The following ZNF208 variants were observed in gnomAD, a reference collection of about 807,000 sequenced individuals.
The protein encoded by ZNF208 is zinc finger protein 95.
Under a neutral mutation model 12.1 loss-of-function variants are expected in ZNF208, and 10 were observed. The ratio of observed to expected loss-of-function variants is 0.83; its 90% CI spans 0.51 to 1.40. ZNF208 has a LOEUF of 1.40. Among genes scored for constraint, ZNF208 ranks in the 40% most tolerant of loss-of-function variants. The pLI is 0.00. For synonymous variants in ZNF208, 497 were observed against 488.4 expected (o/e 1.02, Z -0.23); for missense variants, 1,652 against 1,485.0 (o/e 1.11, Z -1.85).
At chr19:22,003,411 A>T (rs1254518875) in intron 1 of ZNF208, among the ~76,000 whole-genome samples, 1 of 152,100 alleles carries the variant, frequency 6.6e-6, no homozygotes, top group African/African-American at 2.4e-5. Context: ...AATAATAGAA[A>T]ATATTTGCAA....
At chr19:21,962,589 T>TA, downstream of ZNF208, among the ~76,000 whole-genome samples, 1 of 152,162 alleles carries the variant, frequency 6.6e-6, no homozygotes, top group East Asian at 1.9e-4. Flanking sequence ...GCTAATTGAT[T>TA]AAAAAAGAGA....
intron 3 of ZNF208, among the ~76,000 whole-genome samples, chr19:21,980,920 A>G (rs1310442135): frequency 2.0e-5 from 3 of 152,216 alleles, no homozygotes; most frequent in African/African-American, 7.2e-5. Flanking sequence ...ACCATCAGAC[A>G]ATACTATAAA....
rs1252038419 is a variant in ZNF208, at chr19:21,969,942, C to T, written c.*1249G>A. Among the ~76,000 whole-genome samples, 1 of 152,072 alleles carries T rather than the reference C, an allele frequency of 6.6e-6. No individual in the cohort carries two copies. Among genetic ancestry groups the T allele is most frequent in the Admixed American group, 6.6e-5 (1 of 15,244 alleles). On this transcript the variant is annotated 3_prime_UTR_variant, in exon 4 of 4. Transcript: ENST00000397126. Reference sequence around the variant, plus strand: ...TTTTCCAGACAGTCTCTCTCTGTTGCCCAGGCTAGTGTAAATGCTTTCCTT... The same window carrying T: ...TTTTCCAGACAGTCTCTCTCTGTTGTCCAGGCTAGTGTAAATGCTTTCCTT...
At chr19:21,961,337 A>C (rs566712776), downstream of ZNF208, among the ~76,000 whole-genome samples, 2 of 152,284 alleles carry the variant, frequency 1.3e-5, no homozygotes, top group South Asian at 4.1e-4. Context: ...CATCACAAAG[A>C]TCACATGCTT....
Position 21,971,238 on chromosome 19 carries a change from A to G in ZNF208, c.3796T>C (p.Ser1266Pro). Reference sequence around the variant, plus strand: ...ATTTTCTTATGTTTACTGAAGACTGATAACCAGCTGAAGGCTTTGCCACAT... The same window carrying G: ...ATTTTCTTATGTTTACTGAAGACTGGTAACCAGCTGAAGGCTTTGCCACAT... ...EECGKAFSWLSVFSKHKKIHT... is the reference protein window; with the variant it reads ...EECGKAFSWLPVFSKHKKIHT... Residue 1266 changes from serine to proline, a missense_variant, in exon 4 of 4, where the codon TCA (serine) becomes CCA (proline). Ser to Pro is a moderately conservative substitution (Grantham distance 74). Coordinates refer to ENST00000397126, the MANE Select transcript of ZNF208 (RefSeq NM_007153.3). The G allele has an allele frequency of 6.2e-7, 1 of 1,612,382 alleles. No homozygotes were observed. Among genetic ancestry groups the G allele is most frequent in the Non-Finnish European group, 8.5e-7 (1 of 1,179,858 alleles).
At chr19:21,994,978 G>A (rs1970806396) in intron 1 of ZNF208, among the ~76,000 whole-genome samples, 1 of 143,582 alleles carries the variant, frequency 7.0e-6, no homozygotes, top group South Asian at 2.2e-4. Flanking sequence ...TTGAGACTGA[G>A]TCTCACTTTG....
At position 21,974,687 on chromosome 19, in the gene ZNF208, C is replaced by A. The variant is rs1568446283; in HGVS notation, c.347G>T (p.Gly116Val). 5.6e-6 allele frequency: 9 copies of A among 1,613,562 alleles called. No individual in the cohort carries two copies. The highest frequency in any genetic ancestry group is 7.6e-6 in the Non-Finnish European group (9 of 1,179,714). The change falls in exon 4 of 4, where the codon GGT (glycine) becomes GTT (valine). Residue 116 changes from glycine (G) to valine (V), a missense_variant. Physicochemically the swap from Gly to Val is moderately radical, Grantham distance 109 (BLOSUM62 -3). Around this residue, in one of 3 missense-constraint regions of ZNF208, gnomAD observed 410 missense variants for 378.2 expected, o/e 1.08. Transcript: ENST00000397126. Reference protein sequence around the residue: ...CGHENLHLKIGYTNVDECKVH... With the variant: ...CGHENLHLKIVYTNVDECKVH... ...CTTACACTCATCCACATTGGTATAA[C>A]CAATTTTTAAGTGTAAATTCTCATG...
Position 21,974,283 on chromosome 19 carries a change from G to C in ZNF208, c.751C>G (p.His251Asp). ...FSILTKHKVI[H>D]TGEKSYKCEE... Reference sequence around the variant, plus strand: ...CATTTGTAGGATTTCTCTCCAGTATGAATTACCTTATGTTTAGTAAGGATT... The same window carrying C: ...CATTTGTAGGATTTCTCTCCAGTATCAATTACCTTATGTTTAGTAAGGATT... The change falls in exon 4 of 4, where the codon CAT becomes GAT. Residue 251 changes from histidine to aspartate, a missense_variant. This residue lies in a region of ZNF208 where 410 missense variants were observed against 378.2 expected (regional missense o/e 1.08). Coordinates refer to ENST00000397126, the MANE Select transcript of ZNF208 (RefSeq NM_007153.3). 6.2e-7 allele frequency: 1 copy of C among 1,613,314 alleles called. No individual in the cohort carries two copies. Among genetic ancestry groups the C allele is most frequent in the Non-Finnish European group, 8.5e-7 (1 of 1,179,708 alleles).
rs772581982 is a variant in ZNF208 at position 21,973,551 on chromosome 19, T to C, written c.1483A>G (p.Lys495Glu). ...CCACATTCTTCACATTTGTAGGGTT[T>C]CTCTCCAGCATGAGTTGCCTTATCA... The part of the protein sequence containing the change: ...ECDKATHAGE[K>E]PYKCEECGKA... The change falls in exon 4 of 4, where the codon AAA (lysine) becomes GAA (glutamate). Residue 495 changes from lysine to glutamate, a missense_variant. Around this residue, in one of 3 missense-constraint regions of ZNF208, gnomAD observed 1,239 missense variants for 1,086.2 expected, o/e 1.14. Coordinates refer to ENST00000397126, the MANE Select transcript of ZNF208 (RefSeq NM_007153.3). 18 of 1,613,458 alleles carry C rather than the reference T, an allele frequency of 1.1e-5. No homozygotes were observed. In the East Asian group the frequency reaches 2.0e-4, roughly 18 times the overall value.
At chr19:21,985,195 C>T (rs1599623296) in intron 3 of ZNF208, among the ~76,000 whole-genome samples, 2 of 152,194 alleles carry the variant, frequency 1.3e-5, no homozygotes, top group East Asian at 1.9e-4. Context: ...AGCATTTAAA[C>T]TCTTAGAAAC....
intron 4 of ZNF208, among the ~76,000 whole-genome samples, chr19:21,948,296 G>A (rs556326499): frequency 9.2e-5 from 14 of 152,344 alleles, no homozygotes; most frequent in African/African-American, 2.9e-4. Flanking sequence ...TCTAAGGGAA[G>A]TATTAATTTC....
chr19:22,008,981 G>A (rs1465936921), intron 1 of ZNF208, among the ~76,000 whole-genome samples: 1 of 152,126 alleles, frequency 6.6e-6, no homozygotes, highest in African/African-American at 2.4e-5. Flanking sequence ...TTTTTCCCCA[G>A]ATAGTACTGA....
chr19:22,000,543 G>A (rs1160386528), intron 1 of ZNF208, among the ~76,000 whole-genome samples: 1 of 152,124 alleles, frequency 6.6e-6, no homozygotes, highest in African/African-American at 2.4e-5. Context: ...CAGAATCCCT[G>A]CAATACATCT....
intron 3 of ZNF208, among the ~76,000 whole-genome samples, chr19:21,984,533 T>G (rs369168877): frequency 1.3e-5 from 2 of 152,062 alleles, no homozygotes; most frequent in Non-Finnish European, 2.9e-5. Context: ...AGCCTGGTGA[T>G]AGAGTAAGAC....
At chr19:21,989,755 C>A (rs373553310) in intron 1 of ZNF208, among the ~76,000 whole-genome samples, 4 of 152,124 alleles carry the variant, frequency 2.6e-5, no homozygotes, top group Non-Finnish European at 4.4e-5. Context: ...TTGTTTCCTG[C>A]CTTTTTAATG....
chr19:21,971,326 C>T lies in ZNF208; in HGVS notation c.3708G>A (p.Thr1236=), dbSNP rs368192167. 81 of 1,611,134 alleles carry T rather than the reference C, an allele frequency of 5.0e-5. No individual in the cohort carries two copies. Among genetic ancestry groups the T allele is most frequent in the African/African-American group, 1.9e-4 (14 of 74,682 alleles). Residue 1236 remains threonine, a synonymous_variant, in exon 4 of 4, where the codon ACG becomes ACA. Coordinates refer to ENST00000397126, the MANE Select transcript of ZNF208 (RefSeq NM_007153.3). ...KCEECGKAFS[T]FSILTKHKVI... ...CCTTATGTTTAGTGAGGATTGAGAA[C>T]GTACTAAAGGCTTTGCCACATTCTT... is the stretch of plus-strand genomic sequence containing the variant.
chr19:21,946,272 G>A (rs528195653), intron 4 of ZNF208, among the ~76,000 whole-genome samples: 1 of 152,264 alleles, frequency 6.6e-6, no homozygotes, highest in African/African-American at 2.4e-5. Context: ...CTTCTAATAG[G>A]TTCTGGGCCA....
chr19:21,941,792 A>G (rs1969746419), intron 4 of ZNF208, among the ~76,000 whole-genome samples: 1 of 152,220 alleles, frequency 6.6e-6, no homozygotes. Flanking sequence ...ATTTATCCGT[A>G]CATACACAGA....
At chr19:21,942,705 A>G (rs1969760475) in intron 4 of ZNF208, among the ~76,000 whole-genome samples, 1 of 151,936 alleles carries the variant, frequency 6.6e-6, no homozygotes. Flanking sequence ...CTGGAATGCA[A>G]TGGTGCAATC....
Sources: gnomAD v4.1 joint callset for allele counts (sites outside exome capture counted in the v4.1 genomes callset) on GRCh38, gnomAD v4.1.1 for gene constraint, gnomAD v4.1.1 regional missense constraint, MANE v1.5 for transcripts, NCBI Gene and HGNC (gene_info 2026-07-23, HGNC 2026-07-21) for gene names.